Variants in PPM1H observed in about 807,000 individuals in gnomAD.
PPM1H encodes protein phosphatase 1H.
In PPM1H, 27 loss-of-function variants were observed where a neutral mutation model predicts 54.9. That is an observed-to-expected ratio of 0.49 (90% CI 0.36 to 0.68). PPM1H has a LOEUF of 0.68. PPM1H is among the 30% of genes least tolerant of loss of function. The pLI, the probability that PPM1H is intolerant of heterozygous loss-of-function variation, is 0.00. For missense variants in PPM1H, 596 were observed against 667.8 expected, an observed-to-expected ratio of 0.89 and a Z score of 1.19; for synonymous variants, 305 against 270.8, an observed-to-expected ratio of 1.13 and a Z score of -1.24.
Position 62,694,115 on chromosome 12 carries a change from G to T in PPM1H, c.1074-116C>A, listed in dbSNP as rs1462290415. On this transcript the variant is annotated intron_variant, in intron 6 of 9. Transcript: ENST00000228705. The stretch of plus-strand genomic sequence containing the variant: ...TGAGACCCCATCCACTCACCACACT[G>T]ACTACCTCTTCCTTTATAGGGAGTT... The T allele has an allele frequency of 5.9e-6, 5 of 845,830 alleles. No homozygotes were observed. The Admixed American group carries it at 6.5e-5, about 11-fold the overall frequency. The allele number at this position is 845,830 out of a possible 1,614,324, so 52.4% of individuals were successfully genotyped here.
chr12:62,900,423 T>G (rs999264875), intron 1 of PPM1H, among the ~76,000 whole-genome samples: 4 of 151,806 alleles, frequency 2.6e-5, no homozygotes, highest in Non-Finnish European at 4.4e-5. Flanking sequence ...TATTAGGAGA[T>G]ATACCTAATG....
chr12:62,669,898 C>T (rs999223719), intron 8 of PPM1H, among the ~76,000 whole-genome samples: 4 of 148,416 alleles, frequency 2.7e-5, no homozygotes, highest in Admixed American at 2.7e-4. Context: ...ATGACTGTGC[C>T]ATTACACTCC....
At chr12:62,832,609 G>C (rs1469339334) in intron 1 of PPM1H, among the ~76,000 whole-genome samples, 1 of 152,160 alleles carries the variant, frequency 6.6e-6, no homozygotes, top group African/African-American at 2.4e-5. Flanking sequence ...GAACCTGAAT[G>C]TTTCGGCAAT....
chr12:62,665,902 T>A (rs1328710007), intron 9 of PPM1H, among the ~76,000 whole-genome samples: 1 of 151,982 alleles, frequency 6.6e-6, no homozygotes, highest in Non-Finnish European at 1.5e-5. Context: ...CATGCTCAGC[T>A]AATTTTTGTA....
chr12:62,823,632 A>G (rs1311541432), intron 2 of PPM1H, among the ~76,000 whole-genome samples: 1 of 152,212 alleles, frequency 6.6e-6, no homozygotes, highest in Non-Finnish European at 1.5e-5. Context: ...ACATAAACAG[A>G]ACCAATGACA....
At chr12:62,683,836 T>A (rs1224051067) in intron 8 of PPM1H, among the ~76,000 whole-genome samples, 1 of 152,050 alleles carries the variant, frequency 6.6e-6, no homozygotes, top group African/African-American at 2.4e-5. Context: ...TTAAGAAGAA[T>A]CCTAGCTCTA....
rs1218166411 is a variant in PPM1H, at chr12:62,802,100, C to A, written c.472G>T (p.Ala158Ser). 2.5e-6 allele frequency: 4 copies of A among 1,605,816 alleles called. No individual in the cohort carries two copies. Among genetic ancestry groups the A allele is most frequent in the Non-Finnish European group, 3.4e-6 (4 of 1,175,994 alleles). The change falls in exon 3 of 10, where the codon GCC becomes TCC. Residue 158 changes from alanine to serine, a missense_variant. This residue lies in a region of PPM1H where 382 missense variants were observed against 387.1 expected (regional missense o/e 0.99). Coordinates refer to ENST00000228705, the MANE Select transcript of PPM1H (RefSeq NM_020700.2). ...SLFDGHAGSG[A>S]AVVASRLLQH... ...AGCAGGCGTGACGCCACCACCGCGG[C>A]CCCGGACCCCGCGTGCCCGTCAAAC...
chr12:62,793,070 TAAGC>T (rs1312805097), intron 3 of PPM1H, among the ~76,000 whole-genome samples: 1 of 152,214 alleles, frequency 6.6e-6, no homozygotes, highest in Non-Finnish European at 1.5e-5. Flanking sequence ...TGCTTTGTGC[TAAGC>T]AAGGACTGAT....
chr12:62,824,518 A>C (rs1309432718), intron 2 of PPM1H, among the ~76,000 whole-genome samples: 1 of 152,202 alleles, frequency 6.6e-6, no homozygotes, highest in African/African-American at 2.4e-5. Context: ...AGGCTACAGT[A>C]ACCAAAACAG....
At chr12:62,737,395 T>C in intron 5 of PPM1H, 107 bp downstream of exon 5, 1 of 663,196 alleles carries the variant, frequency 1.5e-6, no homozygotes, top group Non-Finnish European at 2.5e-6. Flanking sequence ...ATATGTCATT[T>C]GAATGCGGTG....
intron 1 of PPM1H, among the ~76,000 whole-genome samples, chr12:62,842,718 G>A (rs542813556): frequency 2.6e-5 from 4 of 152,294 alleles, no homozygotes; most frequent in African/African-American, 9.6e-5. Flanking sequence ...TTAAAGAGGT[G>A]CTATCCACCT....
intron 1 of PPM1H, chr12:62,840,063 G>C (rs1371838801): frequency 1.4e-5 from 2 of 146,362 alleles, no homozygotes; most frequent in Admixed American, 6.7e-5. Flanking sequence ...GAGAGAGAGA[G>C]AGAGAGAGAG....
chr12:62,904,137 C>G (rs556508672), intron 1 of PPM1H, among the ~76,000 whole-genome samples: 1 of 152,064 alleles, frequency 6.6e-6, no homozygotes, highest in South Asian at 2.1e-4. Flanking sequence ...ATTGAAGAAG[C>G]CTTCAAAAAG....
At chr12:62,751,661 G>C (rs1592579663) in intron 4 of PPM1H, among the ~76,000 whole-genome samples, 2 of 152,204 alleles carry the variant, frequency 1.3e-5, no homozygotes, top group African/African-American at 4.8e-5. Context: ...CAAGAATCTT[G>C]AGGCGTCCTT....
intron 5 of PPM1H, among the ~76,000 whole-genome samples, chr12:62,734,531 A>C (rs941138483): frequency 7.2e-5 from 11 of 152,232 alleles, no homozygotes; most frequent in Non-Finnish European, 1.3e-4. Flanking sequence ...AGCCACATGC[A>C]TCTTATTTCA....
At chr12:62,742,146 A>G (rs1052246832) in intron 4 of PPM1H, among the ~76,000 whole-genome samples, 6 of 152,204 alleles carry the variant, frequency 3.9e-5, no homozygotes, top group Non-Finnish European at 7.3e-5. Context: ...AAATTCACAC[A>G]CAATGAGGTA....
intron 5 of PPM1H, among the ~76,000 whole-genome samples, chr12:62,723,435 C>T: frequency 6.6e-6 from 1 of 151,776 alleles, no homozygotes. Flanking sequence ...TCCTAAAATT[C>T]ATGTGTTGGC....
chr12:62,932,485 G>A (rs974214525), intron 1 of PPM1H, among the ~76,000 whole-genome samples: 19 of 151,774 alleles, frequency 1.3e-4, no homozygotes, highest in Non-Finnish European at 2.4e-4. Flanking sequence ...TTTCCTTCTC[G>A]CCTTGACAGG....
intron 1 of PPM1H, among the ~76,000 whole-genome samples, chr12:62,878,694 C>T (rs1448757257): frequency 2.0e-5 from 3 of 146,816 alleles, no homozygotes; most frequent in Non-Finnish European, 4.5e-5. Context: ...AATCCCAGCA[C>T]TCTGGGAGGC....
Sources: gnomAD v4.1 joint callset for allele counts (sites outside exome capture counted in the v4.1 genomes callset) on GRCh38, gnomAD v4.1.1 for gene constraint, gnomAD v4.1.1 regional missense constraint, MANE v1.5 for transcripts, NCBI Gene and HGNC (gene_info 2026-07-23, HGNC 2026-07-21) for gene names.